The following RANBP17 variants were observed in gnomAD, a reference collection of about 807,000 sequenced individuals.
The protein encoded by RANBP17 is RAN binding protein 17.
In RANBP17, 158 loss-of-function variants were observed where a neutral mutation model predicts 141.2. The observed-to-expected ratio is 1.12, with a 90% CI of 0.98 to 1.28. RANBP17 has a LOEUF of 1.28. Among genes scored for constraint, RANBP17 ranks in the 50% most tolerant of loss-of-function variants. The pLI, the probability that RANBP17 is intolerant of heterozygous loss-of-function variation, is 0.00. For synonymous variants in RANBP17, 430 were observed against 450.0 expected, an observed-to-expected ratio of 0.96 and a Z score of 0.56; for missense variants, 1,438 against 1,290.7, an observed-to-expected ratio of 1.11 and a Z score of -1.75.
At chr5:170,921,831 T>C (rs1772491326) in intron 11 of RANBP17, among the ~76,000 whole-genome samples, 1 of 152,160 alleles carries the variant, frequency 6.6e-6, no homozygotes, top group Non-Finnish European at 1.5e-5. Context: ...TTCTGTCAAC[T>C]CATCAAACTC....
chr5:170,891,450 G>A (rs1040883661), intron 3 of RANBP17, among the ~76,000 whole-genome samples: 1 of 152,160 alleles, frequency 6.6e-6, no homozygotes, highest in Non-Finnish European at 1.5e-5. Flanking sequence ...GATGTTTGAG[G>A]TATATGCGTT....
intron 11 of RANBP17, 21 bp from the exon 12 acceptor site, chr5:170,924,336 A>C (rs746046038): frequency 2.8e-5 from 43 of 1,514,540 alleles, no homozygotes; most frequent in Non-Finnish European, 3.6e-5. Context: ...TGTTGTCTGC[A>C]AACTTATTCT....
At chr5:170,928,670 A>G (rs1227312105) in intron 12 of RANBP17, among the ~76,000 whole-genome samples, 2 of 151,992 alleles carry the variant, frequency 1.3e-5, no homozygotes, top group African/African-American at 4.8e-5. Context: ...TTTGTTCTGT[A>G]CCACTGATCT....
chr5:171,125,932 C>T (rs576943281), intron 14 of RANBP17, among the ~76,000 whole-genome samples: 29 of 151,902 alleles, frequency 1.9e-4, no homozygotes, highest in South Asian at 1.0e-3. Context: ...GGGTTACAGG[C>T]GCGCACCACC....
At chr5:171,002,992 G>A (rs1779327496) in intron 14 of RANBP17, among the ~76,000 whole-genome samples, 1 of 152,202 alleles carries the variant, frequency 6.6e-6, no homozygotes, top group Admixed American at 6.5e-5. Context: ...TATGTGTCAT[G>A]TGTGAGGCAG....
chr5:171,248,418 A>G (rs1225849061), intron 24 of RANBP17, among the ~76,000 whole-genome samples: 1 of 152,002 alleles, frequency 6.6e-6, no homozygotes, highest in African/African-American at 2.4e-5. Context: ...ACAGAAAGAG[A>G]AGGAAGCAAG....
intron 14 of RANBP17, among the ~76,000 whole-genome samples, chr5:171,149,060 A>G (rs928508469): frequency 6.6e-6 from 1 of 152,168 alleles, no homozygotes; most frequent in African/African-American, 2.4e-5. Flanking sequence ...AAACCTAACC[A>G]TAGGTTCTGT....
intron 21 of RANBP17, 44 bp downstream of exon 21, chr5:171,213,782 C>T (rs376353023): frequency 3.8e-5 from 52 of 1,356,520 alleles, no homozygotes; most frequent in Middle Eastern, 1.8e-4. Context: ...CTACTATTAG[C>T]GGAAATCTCC....
At chr5:171,053,724 CT>C (rs2127656283) in intron 14 of RANBP17, among the ~76,000 whole-genome samples, 1 of 150,796 alleles carries the variant, frequency 6.6e-6, no homozygotes, top group South Asian at 2.1e-4. Context: ...TTTATTTGGC[CT>C]AATTGCTCTA....
intron 16 of RANBP17, among the ~76,000 whole-genome samples, chr5:171,175,280 A>G (rs1441632690): frequency 6.6e-6 from 1 of 152,224 alleles, no homozygotes; most frequent in Non-Finnish European, 1.5e-5. Context: ...GTGTCTTTAC[A>G]GTAGAATGAT....
intron 1 of RANBP17, among the ~76,000 whole-genome samples, chr5:170,875,249 C>T (rs1196976645): frequency 6.6e-6 from 1 of 152,106 alleles, no homozygotes; most frequent in African/African-American, 2.4e-5. Flanking sequence ...TTCCCTCCTG[C>T]TGCTCTTTAT....
At chr5:171,015,943 A>G (rs920518593) in intron 14 of RANBP17, among the ~76,000 whole-genome samples, 2 of 152,080 alleles carry the variant, frequency 1.3e-5, no homozygotes, top group East Asian at 3.9e-4. Flanking sequence ...CCTCTGTAAC[A>G]TTGGATGCAT....
chr5:171,278,830 T>C (rs1397654350), intron 25 of RANBP17, among the ~76,000 whole-genome samples: 4 of 151,746 alleles, frequency 2.6e-5, no homozygotes, highest in African/African-American at 4.8e-5. Flanking sequence ...CTCGGGAGAG[T>C]TGTGAGGACA....
chr5:171,004,436 TG>T (rs1024600233), intron 14 of RANBP17, among the ~76,000 whole-genome samples: 3 of 152,040 alleles, frequency 2.0e-5, no homozygotes, highest in Non-Finnish European at 4.4e-5. Context: ...GGCACCAGAC[TG>T]GGGGAGTTTT....
intron 22 of RANBP17, among the ~76,000 whole-genome samples, chr5:171,239,225 T>C (rs181492496): frequency 6.6e-6 from 1 of 152,284 alleles, no homozygotes; most frequent in Admixed American, 6.5e-5. Context: ...ATATAAATTA[T>C]AAGCAAAGTT....
chr5:171,244,301 G>A (rs1277153766), intron 24 of RANBP17, among the ~76,000 whole-genome samples: 2 of 151,416 alleles, frequency 1.3e-5, no homozygotes, highest in African/African-American at 2.4e-5. Context: ...GCCAAGGCAG[G>A]AGAATCACTG....
At chr5:170,967,917 G>A (rs1350370) in intron 13 of RANBP17, among the ~76,000 whole-genome samples, 96,745 of 151,102 alleles carry the variant, frequency 0.64, 31,705 homozygotes, top group South Asian at 0.89. Context: ...AATTTTTACT[G>A]TAGTATAGGG....
chr5:171,135,697 TAA>T (rs1039246249), intron 14 of RANBP17, among the ~76,000 whole-genome samples: 3 of 152,122 alleles, frequency 2.0e-5, no homozygotes, highest in African/African-American at 7.2e-5. Flanking sequence ...AAAAATAGAG[TAA>T]AGAGAAAATT....
chr5:170,981,840 G>C (rs1046578996), intron 14 of RANBP17, among the ~76,000 whole-genome samples: 8 of 152,126 alleles, frequency 5.3e-5, no homozygotes, highest in African/African-American at 1.7e-4. Context: ...AAAGCTAGTA[G>C]TTAGGTGATT....
Sources: allele counts gnomAD v4.1 joint callset (sites outside exome capture counted in the v4.1 genomes callset), GRCh38; gene constraint gnomAD v4.1.1; transcripts MANE v1.5; gene names NCBI Gene and HGNC (gene_info 2026-07-23, HGNC 2026-07-21).